The following HPSE2 variants were observed in gnomAD, a reference collection of about 807,000 sequenced individuals.
The protein encoded by HPSE2 is inactive heparanase-2.
A neutral mutation model predicts 60.5 loss-of-function variants in HPSE2; 38 were observed. That is an observed-to-expected ratio of 0.63 (90% CI 0.48 to 0.82). HPSE2 has a LOEUF of 0.82. Among genes scored for constraint, HPSE2 ranks in the 40% least tolerant of loss-of-function variants. The probability of loss-of-function intolerance (pLI) is 0.00; values close to 1 mark genes in which losing one functional copy is unlikely to be tolerated. For missense variants in HPSE2, 713 were observed against 740.4 expected, an observed-to-expected ratio of 0.96 and a Z score of 0.43; for synonymous variants, 295 against 293.2, an observed-to-expected ratio of 1.01 and a Z score of -0.06.
At chr10:98,744,580 A>G (rs1949581965) in intron 3 of HPSE2, among the ~76,000 whole-genome samples, 1 of 152,082 alleles carries the variant, frequency 6.6e-6, no homozygotes, top group South Asian at 2.1e-4. Context: ...CAAGCAGCAG[A>G]GAGAATTCCA....
At chr10:98,869,327 C>T (rs1473653906) in intron 3 of HPSE2, among the ~76,000 whole-genome samples, 1 of 151,998 alleles carries the variant, frequency 6.6e-6, no homozygotes, top group Non-Finnish European at 1.5e-5. Flanking sequence ...AAACTCTTTT[C>T]ATTATTAAGA....
At chr10:98,937,361 G>A (rs1954832344) in intron 3 of HPSE2, among the ~76,000 whole-genome samples, 1 of 144,600 alleles carries the variant, frequency 6.9e-6, no homozygotes, top group South Asian at 2.1e-4. Context: ...ACGGCACCTG[G>A]AAATTCGGGT....
chr10:98,545,547 C>T (rs1258438069), intron 9 of HPSE2, among the ~76,000 whole-genome samples: 3 of 152,120 alleles, frequency 2.0e-5, no homozygotes, highest in Non-Finnish European at 4.4e-5. Context: ...GAACCAAAGA[C>T]AAAAACCACA....
At chr10:98,782,882 G>A (rs1340269471) in intron 3 of HPSE2, among the ~76,000 whole-genome samples, 3 of 133,804 alleles carry the variant, frequency 2.2e-5, no homozygotes, top group Non-Finnish European at 4.8e-5. Context: ...TAGAATAATG[G>A]GTTGAGTGGG....
intron 3 of HPSE2, among the ~76,000 whole-genome samples, chr10:99,114,342 T>C (rs556009075): frequency 7.2e-5 from 11 of 152,340 alleles, no homozygotes; most frequent in Admixed American, 4.6e-4. Flanking sequence ...ATTCAATGAG[T>C]TTTGATGTGA....
intron 2 of HPSE2, 93 bp downstream of exon 2, chr10:99,232,254 CA>C: frequency 3.1e-6 from 4 of 1,287,978 alleles, no homozygotes; most frequent in East Asian, 2.6e-5. Flanking sequence ...CACACACACA[CA>C]CGAACACACA....
intron 3 of HPSE2, among the ~76,000 whole-genome samples, chr10:99,097,620 T>C (rs1843763881): frequency 6.6e-6 from 1 of 152,218 alleles, no homozygotes; most frequent in African/African-American, 2.4e-5. Flanking sequence ...AGTAATCTTT[T>C]AAAATTATTT....
rs1945251253 is a variant in HPSE2 at position 98,596,785 on chromosome 10, T to A, written c.1320+18119A>T. On this transcript the variant is annotated intron_variant, in intron 9 of 11. Coordinates refer to ENST00000370552, the MANE Select transcript of HPSE2 (RefSeq NM_021828.5). ...TTTCTTGCTGCTTTCAATAACTACT[T>A]TTTGTCTTTGATTTTTGACAATTTA... Among the ~76,000 whole-genome samples the A allele has an allele frequency of 2.6e-5, 4 of 152,196 alleles. No homozygotes were observed. In the South Asian group the frequency reaches 8.3e-4, roughly 32 times the overall value.
At chr10:99,093,612 C>T (rs888896210) in intron 3 of HPSE2, among the ~76,000 whole-genome samples, 1 of 152,134 alleles carries the variant, frequency 6.6e-6, no homozygotes, top group African/African-American at 2.4e-5. Flanking sequence ...TGCATCATCA[C>T]ATAGCAGAAG....
intron 9 of HPSE2, among the ~76,000 whole-genome samples, chr10:98,558,283 G>A (rs1216202866): frequency 6.6e-6 from 1 of 152,170 alleles, no homozygotes; most frequent in African/African-American, 2.4e-5. Flanking sequence ...CAATAGAAAT[G>A]TACGTATATG....
chr10:99,212,188 G>GAGGGT (rs1353609231), intron 2 of HPSE2, among the ~76,000 whole-genome samples: 2 of 152,096 alleles, frequency 1.3e-5, no homozygotes, highest in Non-Finnish European at 2.9e-5. Context: ...AAGTGTTGGT[G>GAGGGT]AGGGTGTAGA....
chr10:98,821,804 C>A (rs1429764264), intron 3 of HPSE2, among the ~76,000 whole-genome samples: 1 of 151,952 alleles, frequency 6.6e-6, no homozygotes, highest in East Asian at 1.9e-4. Flanking sequence ...TTTCTGGGCA[C>A]TCTAAATTAG....
At chr10:98,509,207 G>T (rs1246760606) in intron 9 of HPSE2, among the ~76,000 whole-genome samples, 2 of 151,976 alleles carry the variant, frequency 1.3e-5, no homozygotes, top group Non-Finnish European at 2.9e-5. Flanking sequence ...CCAGACACTT[G>T]GGAGGCTGAG....
chr10:99,168,244 C>T (rs1217917192), intron 2 of HPSE2, among the ~76,000 whole-genome samples: 1 of 152,006 alleles, frequency 6.6e-6, no homozygotes, highest in Non-Finnish European at 1.5e-5. Flanking sequence ...TCATGTTTTT[C>T]AATAAAATTT....
chr10:98,610,130 T>C (rs1945712826), intron 9 of HPSE2, among the ~76,000 whole-genome samples: 1 of 152,114 alleles, frequency 6.6e-6, no homozygotes, highest in Non-Finnish European at 1.5e-5. Context: ...CGTGAGCCAT[T>C]GTGCCTGGCC....
chr10:98,650,727 G>A (rs1946893137), intron 6 of HPSE2, among the ~76,000 whole-genome samples: 1 of 152,216 alleles, frequency 6.6e-6, no homozygotes. Flanking sequence ...AATCTAGAAT[G>A]TTGGAAGGGA....
At chr10:99,001,438 C>T (rs570306286) in intron 3 of HPSE2, among the ~76,000 whole-genome samples, 3 of 152,238 alleles carry the variant, frequency 2.0e-5, no homozygotes, top group South Asian at 4.1e-4. Flanking sequence ...CTCTACTTAT[C>T]TGCTTCCATG....
At chr10:98,936,991 A>C (rs1479589651) in intron 3 of HPSE2, among the ~76,000 whole-genome samples, 9 of 140,608 alleles carry the variant, frequency 6.4e-5, no homozygotes, top group East Asian at 6.0e-4. Context: ...AAAAAAAAAA[A>C]AAAAAAAAAA....
chr10:98,758,153 T>C (rs1195107291), intron 3 of HPSE2, among the ~76,000 whole-genome samples: 1 of 152,076 alleles, frequency 6.6e-6, no homozygotes. Context: ...AGATTGAAAC[T>C]GAACCCCTTC....
Sources: gnomAD v4.1 joint callset for allele counts (sites outside exome capture counted in the v4.1 genomes callset) on GRCh38, gnomAD v4.1.1 for gene constraint, MANE v1.5 for transcripts, NCBI Gene and HGNC (gene_info 2026-07-23, HGNC 2026-07-21) for gene names.